The following UBE2E3 variants were observed in gnomAD, a reference collection of about 807,000 sequenced individuals.
UBE2E3 encodes the protein ubiquitin-conjugating enzyme E2 E3.
Under a neutral mutation model 23.6 loss-of-function variants are expected in UBE2E3, and 5 were observed. That is an observed-to-expected ratio of 0.21 (90% CI 0.11 to 0.44). The LOEUF (loss-of-function observed/expected upper bound fraction) is 0.44, where lower values mean the gene tolerates loss of function less well. Among genes scored for constraint, UBE2E3 ranks in the 20% least tolerant of loss-of-function variants. The pLI is 0.99. For missense variants in UBE2E3, 81 were observed against 249.8 expected (o/e 0.32, Z 4.55); for synonymous variants, 78 against 87.5 (o/e 0.89, Z 0.60).
At chr2:181,061,422 C>A (rs200075756) in intron 5 of UBE2E3, among the ~76,000 whole-genome samples, 1 of 9,408 alleles carries the variant, frequency 1.1e-4, no homozygotes, top group African/African-American at 7.0e-4. Flanking sequence ...CGCGCCCGGC[C>A]GACCACTTCT....
intron 3 of UBE2E3, among the ~76,000 whole-genome samples, chr2:181,000,715 T>G (rs568821813): frequency 1.3e-5 from 2 of 152,134 alleles, no homozygotes; most frequent in South Asian, 4.2e-4. Context: ...CCACCACACC[T>G]GACTAATTTT....
At chr2:181,053,583 A>G (rs568305924) in intron 3 of UBE2E3, among the ~76,000 whole-genome samples, 1 of 101,508 alleles carries the variant, frequency 9.9e-6, no homozygotes, top group African/African-American at 4.0e-5. Context: ...AGCAAAATTG[A>G]GTGAAAACCC....
At chr2:181,057,988 CTCCTT>C (rs1360578735) in intron 4 of UBE2E3, among the ~76,000 whole-genome samples, 163 bp downstream of exon 4, 1 of 151,710 alleles carries the variant, frequency 6.6e-6, no homozygotes, top group Non-Finnish European at 1.5e-5. Flanking sequence ...CAGTAATTGA[CTCCTT>C]TCACAAATAA....
intron 3 of UBE2E3, among the ~76,000 whole-genome samples, chr2:181,023,737 G>A (rs1341160765): frequency 6.6e-6 from 1 of 152,110 alleles, no homozygotes; most frequent in Non-Finnish European, 1.5e-5. Flanking sequence ...TGTGGCTTTA[G>A]GTTCATTACT....
chr2:181,029,214 A>G (rs1327228767), intron 3 of UBE2E3, among the ~76,000 whole-genome samples: 1 of 151,836 alleles, frequency 6.6e-6, no homozygotes, highest in African/African-American at 2.4e-5. Flanking sequence ...TATAGTTTTA[A>G]TTACTATAAT....
At chr2:181,027,877 GC>G (rs1685948447) in intron 3 of UBE2E3, among the ~76,000 whole-genome samples, 1 of 151,840 alleles carries the variant, frequency 6.6e-6, no homozygotes, top group African/African-American at 2.4e-5. Context: ...ATCATGTACT[GC>G]ATAATGCATA....
intron 3 of UBE2E3, among the ~76,000 whole-genome samples, chr2:181,014,476 T>A (rs1685427913): frequency 6.6e-6 from 1 of 152,146 alleles, no homozygotes; most frequent in African/African-American, 2.4e-5. Flanking sequence ...AGAGTTAACT[T>A]TTAATGATTG....
At chr2:181,033,615 C>A (rs6755739) in intron 3 of UBE2E3, among the ~76,000 whole-genome samples, 4,240 of 152,214 alleles carry the variant, frequency 0.028, 98 homozygotes, top group African/African-American at 0.055. Flanking sequence ...AGGACATAGG[C>A]ATGGGCAAAG....
At chr2:180,999,192 C>T (rs981601353) in intron 3 of UBE2E3, among the ~76,000 whole-genome samples, 1 of 152,052 alleles carries the variant, frequency 6.6e-6, no homozygotes, top group Non-Finnish European at 1.5e-5. Flanking sequence ...GAATAATACC[C>T]CTCCACAAAG....
chr2:181,021,632 TTTCC>T (rs544002192), intron 3 of UBE2E3, among the ~76,000 whole-genome samples: 851 of 40,026 alleles, frequency 0.021, 25 homozygotes, highest in African/African-American at 0.074. Flanking sequence ...CCCTCCCTTT[TTTCC>T]TTCCTTCCTT....
chr2:180,980,707 C>G lies in UBE2E3; in HGVS notation c.-292C>G, dbSNP rs1377581922. 6.7e-6 allele frequency: 1 copy of G among 148,572 alleles called. No homozygotes were observed. Among genetic ancestry groups the G allele is most frequent in the Non-Finnish European group, 1.5e-5 (1 of 66,732 alleles). 9.2% of individuals were successfully genotyped at this position (148,572 alleles called of 1,614,324 possible). On this transcript the variant is annotated 5_prime_UTR_variant, in exon 1 of 6. Coordinates refer to ENST00000410062, the MANE Select transcript of UBE2E3 (RefSeq NM_006357.4). This position sits in a 1 kb window ranked among gnomAD's most constrained non-coding sequence, Gnocchi z 5.5. Reference sequence around the variant, plus strand: ...CGCGTCCCCTCCGCCTCGCCGGGAGCTCGCGCCCTCGCCCAGCCGAGCTCC... The same window carrying G: ...CGCGTCCCCTCCGCCTCGCCGGGAGGTCGCGCCCTCGCCCAGCCGAGCTCC...
chr2:181,034,661 G>T (rs965515669), intron 3 of UBE2E3, among the ~76,000 whole-genome samples: 1 of 150,610 alleles, frequency 6.6e-6, no homozygotes, highest in Non-Finnish European at 1.5e-5. Flanking sequence ...ATGTACCCTA[G>T]AACTTAAAGT....
chr2:181,047,641 G>GT (rs1449797075), intron 3 of UBE2E3, among the ~76,000 whole-genome samples: 3 of 151,728 alleles, frequency 2.0e-5, no homozygotes, highest in Non-Finnish European at 2.9e-5. Flanking sequence ...GTTTTGTTTT[G>GT]TTTTTTTCCT....
At chr2:180,990,597 A>G (rs961309580) in intron 3 of UBE2E3, among the ~76,000 whole-genome samples, 1 of 152,188 alleles carries the variant, frequency 6.6e-6, no homozygotes, top group African/African-American at 2.4e-5. Context: ...TACCTTGAGT[A>G]CTTGCTAAAT....
chr2:180,989,740 A>G, intron 3 of UBE2E3: 2 of 826,378 alleles, frequency 2.4e-6, no homozygotes, highest in Non-Finnish European at 3.5e-6. Flanking sequence ...GTAAAACAGC[A>G]TGTGCTTTTA....
At chr2:181,026,342 A>G (rs1273723462) in intron 3 of UBE2E3, among the ~76,000 whole-genome samples, 52 of 151,836 alleles carry the variant, frequency 3.4e-4, no homozygotes, top group Middle Eastern at 3.4e-3. Flanking sequence ...TTCAGAAGAT[A>G]ATGAATAAAC....
chr2:181,011,984 G>T (rs1357615708), intron 3 of UBE2E3, among the ~76,000 whole-genome samples: 1 of 152,142 alleles, frequency 6.6e-6, no homozygotes, highest in African/African-American at 2.4e-5. Context: ...TGTCACTTTA[G>T]TGTCTCAGAA....
At chr2:180,995,076 A>G (rs938568098) in intron 3 of UBE2E3, among the ~76,000 whole-genome samples, 3 of 152,140 alleles carry the variant, frequency 2.0e-5, no homozygotes, top group Non-Finnish European at 4.4e-5. Flanking sequence ...ATGTGATGCT[A>G]ATCATTTCTG....
At chr2:181,057,885 C>G (rs1687030749) in intron 4 of UBE2E3, 60 bp downstream of exon 4, 3 of 1,547,012 alleles carry the variant, frequency 1.9e-6, no homozygotes, top group Non-Finnish European at 2.6e-6. Flanking sequence ...ATCGGTTATT[C>G]TAGAACTTAA....
Sources: allele counts gnomAD v4.1 joint callset (sites outside exome capture counted in the v4.1 genomes callset), GRCh38; gene constraint gnomAD v4.1.1; non-coding constraint Gnocchi (gnomAD v3.1); transcripts MANE v1.5; gene names NCBI Gene and HGNC (gene_info 2026-07-23, HGNC 2026-07-21).